SPATA13: variants seen among roughly 807,000 people sequenced by gnomAD.
SPATA13 encodes spermatogenesis associated 13, also known as spermatogenesis-associated protein 13.
In SPATA13, 50 loss-of-function variants were observed where a neutral mutation model predicts 104.0. The observed-to-expected ratio is 0.48, with a 90% CI of 0.38 to 0.61. The LOEUF (loss-of-function observed/expected upper bound fraction) is 0.61, where lower values mean the gene tolerates loss of function less well. Ranked by LOEUF, SPATA13 falls within the 20% of genes least tolerant of loss-of-function variation. The probability of loss-of-function intolerance (pLI) is 0.00; values close to 1 mark genes in which losing one functional copy is unlikely to be tolerated. For synonymous variants in SPATA13, 606 were observed against 667.5 expected, an observed-to-expected ratio of 0.91 and a Z score of 1.42; for missense variants, 1,524 against 1,690.6, an observed-to-expected ratio of 0.90 and a Z score of 1.73.
At position 24,284,280 on chromosome 13, in the gene SPATA13, A is replaced by G. The variant is rs1165035332; in HGVS notation, c.2301+9A>G. The G allele has an allele frequency of 1.9e-5, 31 of 1,612,802 alleles. No individual in the cohort carries two copies. Among genetic ancestry groups the G allele is most frequent in the Non-Finnish European group, 2.5e-5 (30 of 1,179,278 alleles). ...AGCTGGCCATCAATGAGGTACTGGA[A>G]TTCCACACGACAGTAGTGGATACGG... On this transcript the variant is annotated intron_variant, in intron 5 of 12. Coordinates refer to ENST00000382108, the MANE Select transcript of SPATA13 (RefSeq NM_001166271.3).
At chr13:24,260,542 G>A (rs910512628) in intron 4 of SPATA13, among the ~76,000 whole-genome samples, 4 of 152,212 alleles carry the variant, frequency 2.6e-5, no homozygotes, top group African/African-American at 7.2e-5. Context: ...TAGATATTAT[G>A]TAAGCAAATA....
intron 4 of SPATA13, among the ~76,000 whole-genome samples, chr13:24,263,017 G>A (rs1479328698): frequency 1.3e-5 from 2 of 151,974 alleles, no homozygotes; most frequent in East Asian, 3.8e-4. Flanking sequence ...CAAATTTTAG[G>A]TATTATCTAA....
Position 24,289,179 on chromosome 13 carries a change from G to A in SPATA13, c.2847+1G>A. On this transcript the variant is annotated splice_donor_variant, in intron 8 of 12. Coordinates refer to ENST00000382108, the MANE Select transcript of SPATA13 (RefSeq NM_001166271.3). LOFTEE classifies it high-confidence loss of function. ...AATAGGATCTTGCTTTCTTCAAAAT[G>A]TGCGTCACCCTTTACTTCATTATTA... The A allele has an allele frequency of 1.2e-6, 2 of 1,607,456 alleles. No individual in the cohort carries two copies. Among genetic ancestry groups the A allele is most frequent in the Non-Finnish European group, 1.7e-6 (2 of 1,178,242 alleles).
chr13:24,044,397 T>A (rs1233391179), intron 3 of SPATA13, among the ~76,000 whole-genome samples: 1 of 148,890 alleles, frequency 6.7e-6, no homozygotes, highest in Non-Finnish European at 1.5e-5. Context: ...TGCGCCCAGC[T>A]AATTTTTGTA....
intron 2 of SPATA13, among the ~76,000 whole-genome samples, chr13:24,228,952 TGCTGTGAAAAAGA>T: frequency 6.6e-6 from 1 of 152,370 alleles, no homozygotes; most frequent in South Asian, 2.1e-4. Context: ...GATTGTGTAT[TGCTGTGAAAAAGA>T]GCTGGGAAAA....
chr13:24,043,454 C>T (rs529008569), intron 3 of SPATA13, among the ~76,000 whole-genome samples: 1 of 148,666 alleles, frequency 6.7e-6, no homozygotes, highest in Admixed American at 6.8e-5. Context: ...ATTGCACCTC[C>T]CAGGTTCTGG....
At chr13:24,025,900 G>A (rs1331645496) in intron 3 of SPATA13, among the ~76,000 whole-genome samples, 2 of 151,562 alleles carry the variant, frequency 1.3e-5, no homozygotes, top group South Asian at 2.1e-4. Context: ...CGCCTCCCAG[G>A]TTCAAAGGAT....
intron 3 of SPATA13, among the ~76,000 whole-genome samples, chr13:24,050,556 A>G (rs946651672): frequency 3.9e-5 from 6 of 152,192 alleles, no homozygotes; most frequent in African/African-American, 1.2e-4. Flanking sequence ...CCCAGCTGGC[A>G]TGTGGCTGGA....
chr13:24,066,478 C>T (rs1196586940), intron 3 of SPATA13, among the ~76,000 whole-genome samples: 3 of 152,162 alleles, frequency 2.0e-5, no homozygotes, highest in African/African-American at 7.2e-5. Context: ...GGACTCTTGC[C>T]ATGGTAGACC....
intron 1 of SPATA13, among the ~76,000 whole-genome samples, chr13:24,210,809 G>A (rs1211855913): frequency 6.8e-6 from 1 of 146,252 alleles, no homozygotes; most frequent in African/African-American, 2.5e-5. Flanking sequence ...AATAGCCATG[G>A]CATTGAATCT....
chr13:24,207,896 TA>T (rs1237577962), intron 1 of SPATA13, among the ~76,000 whole-genome samples: 6 of 152,208 alleles, frequency 3.9e-5, no homozygotes, highest in Non-Finnish European at 8.8e-5. Flanking sequence ...TCTTAGGACC[TA>T]ACCTCAGATT....
At chr13:24,302,489 A>AT in intron 12 of SPATA13, 109 bp from the exon 13 acceptor site, 1 of 383,532 alleles carries the variant, frequency 2.6e-6, no homozygotes, top group Non-Finnish European at 4.6e-6. Flanking sequence ...AAAAAAAAAA[A>AT]GAATTAGCTG....
At position 24,286,291 on chromosome 13, in the gene SPATA13, C is replaced by T; in HGVS notation, c.2379C>T (p.Phe793=). The change falls in exon 6 of 13, where the codon TTC becomes TTT. Residue 793 remains phenylalanine, a synonymous_variant. Coordinates refer to ENST00000382108, the MANE Select transcript of SPATA13 (RefSeq NM_001166271.3). This position sits in a 1 kb window ranked among gnomAD's most constrained non-coding sequence, Gnocchi z 4.9. ...CCATGGATGACCAGGAACTGGGCTT[C>T]AAAGCCGGGGATGTCATCCAGGTTC... ...HVTMDDQELG[F]KAGDVIQVLE... is the part of the protein sequence containing the mutation. 6.2e-7 allele frequency: 1 copy of T among 1,613,974 alleles called. No individual in the cohort carries two copies. Among genetic ancestry groups the T allele is most frequent in the Non-Finnish European group, 8.5e-7 (1 of 1,180,042 alleles).
chr13:24,058,096 T>C (rs1878633094), intron 3 of SPATA13, among the ~76,000 whole-genome samples: 1 of 151,826 alleles, frequency 6.6e-6, no homozygotes, highest in African/African-American at 2.4e-5. Context: ...TGATCCCACA[T>C]TGGAGTGTTA....
At chr13:24,046,764 A>G (rs922114113) in intron 3 of SPATA13, among the ~76,000 whole-genome samples, 1 of 152,022 alleles carries the variant, frequency 6.6e-6, no homozygotes, top group African/African-American at 2.4e-5. Flanking sequence ...TCTTTGGTAA[A>G]CATACACCCA....
chr13:23,991,396 T>G (rs1227125064), intron 2 of SPATA13, among the ~76,000 whole-genome samples: 3 of 152,152 alleles, frequency 2.0e-5, no homozygotes, highest in Non-Finnish European at 4.4e-5. Context: ...GCAAAGGTCA[T>G]ATTTTACTGC....
At chr13:24,292,184 C>T (rs577026844) in intron 9 of SPATA13, among the ~76,000 whole-genome samples, 57 of 152,354 alleles carry the variant, frequency 3.7e-4, no homozygotes, top group African/African-American at 1.1e-3. Flanking sequence ...ACCATCATTT[C>T]GTGCATGCAC....
chr13:24,222,230 A>G (rs1871625932), intron 1 of SPATA13, among the ~76,000 whole-genome samples: 1 of 151,962 alleles, frequency 6.6e-6, no homozygotes, highest in African/African-American at 2.4e-5. Flanking sequence ...GTCCTTGCTG[A>G]GTCCTTCCCG....
At position 24,160,925 on chromosome 13, in the gene SPATA13, C is replaced by T. The variant is rs1249518642; in HGVS notation, c.-119C>T. 3 of 985,554 alleles carry T rather than the reference C, an allele frequency of 3.0e-6. No individual in the cohort carries two copies. In the African/African-American group the frequency reaches 5.2e-5, roughly 17 times the overall value. 61.1% of individuals were successfully genotyped at this position (985,554 alleles called of 1,614,324 possible). A position where few individuals can be genotyped will look rare whatever the true frequency, so the allele number is the denominator to read the frequency against. ...CTTTGTAGGCTCCGCCAAGAGGCGC[C>T]GCAGGAGGTAAGACGGCTTCGGGCG... On this transcript the variant is annotated 5_prime_UTR_variant, in exon 1 of 13. Coordinates refer to ENST00000382108, the MANE Select transcript of SPATA13 (RefSeq NM_001166271.3).
Sources: gnomAD v4.1 joint callset for allele counts (sites outside exome capture counted in the v4.1 genomes callset) on GRCh38, gnomAD v4.1.1 for gene constraint, Gnocchi (gnomAD v3.1) non-coding constraint, MANE v1.5 for transcripts, NCBI Gene and HGNC (gene_info 2026-07-23, HGNC 2026-07-21) for gene names.